The following RBFOX1 variants were observed in gnomAD, a reference collection of about 807,000 sequenced individuals.
RBFOX1 encodes the protein RNA binding protein fox-1 homolog 1.
Under a neutral mutation model 57.7 loss-of-function variants are expected in RBFOX1, and 8 were observed. The observed-to-expected ratio is 0.14, with a 90% CI of 0.08 to 0.25. The LOEUF is 0.25. Ranked by LOEUF, RBFOX1 falls within the 10% of genes least tolerant of loss-of-function variation. RBFOX1 has a pLI of 1.00. For missense variants in RBFOX1, 611 were observed against 548.5 expected (o/e 1.11, Z -1.14); for synonymous variants, 326 against 222.4 (o/e 1.47, Z -4.15).
At chr16:6,988,741 TTGTTTG>T (rs1275234211) in intron 3 of RBFOX1, among the ~76,000 whole-genome samples, 25 of 51,002 alleles carry the variant, frequency 4.9e-4, no homozygotes, top group South Asian at 1.3e-3. Context: ...ATTTTTTTTT[TTGTTTG>T]TTTGTTTTTT....
rs114269249 is a variant in RBFOX1, at chr16:6,763,179, G to A, written c.-16+108529G>A. Among the ~76,000 whole-genome samples, 1,469 of 152,256 alleles carry A rather than the reference G, an allele frequency of 9.6e-3. 20 individuals are homozygous for A. Among genetic ancestry groups the A allele is most frequent in the African/African-American group, 0.033 (1,382 of 41,534 alleles). ...CCCAATTTATCTTTGCTAACCTAAT[G>A]CCTTCAGCTCAATGTTTATCAAGTG... On this transcript the variant is annotated intron_variant, in intron 3 of 15. Transcript: ENST00000550418.
At chr16:5,398,852 C>A (rs2066635268) in intron 1 of RBFOX1, among the ~76,000 whole-genome samples, 1 of 152,162 alleles carries the variant, frequency 6.6e-6, no homozygotes, top group East Asian at 1.9e-4. Flanking sequence ...TTAAGTTAAA[C>A]GTTTGAGGCG....
chr16:7,541,062 C>T (rs898311314), intron 5 of RBFOX1, among the ~76,000 whole-genome samples: 1 of 152,194 alleles, frequency 6.6e-6, no homozygotes, highest in Admixed American at 6.5e-5. Context: ...TAGAAGCACC[C>T]CTAACCACAC....
intron 4 of RBFOX1, among the ~76,000 whole-genome samples, chr16:5,995,985 A>G (rs2060483901): frequency 6.6e-6 from 1 of 152,166 alleles, no homozygotes; most frequent in African/African-American, 2.4e-5. Context: ...CATAGATGGC[A>G]TCTTTTTCTT....
chr16:5,794,508 G>C (rs577324855), intron 3 of RBFOX1, among the ~76,000 whole-genome samples: 188 of 151,522 alleles, frequency 1.2e-3, no homozygotes, highest in African/African-American at 4.3e-3. Flanking sequence ...CAATGCCAGC[G>C]TGCGTGTGTG....
rs564712405 is a variant in RBFOX1 at position 6,394,271 on chromosome 16, CT to C, written c.-64+77215del. On this transcript the variant is annotated intron_variant, in intron 2 of 15. Transcript: ENST00000550418. ...TCATCTGAAAACAAAAGGGATAATG[CT>C]GATCGAGGCATATTGTGGAGATTAA... Among the ~76,000 whole-genome samples the C allele has an allele frequency of 5.6e-4, 85 of 152,256 alleles. 1 individual carries two copies. The highest frequency in any genetic ancestry group is 3.4e-3 in the Middle Eastern group (1 of 294).
chr16:5,704,888 C>A (rs1348725188), intron 3 of RBFOX1, among the ~76,000 whole-genome samples: 1 of 152,136 alleles, frequency 6.6e-6, no homozygotes, highest in Non-Finnish European at 1.5e-5. Context: ...ACTTATCGGG[C>A]TTCTTACATC....
chr16:6,327,823 C>G (rs946191534), intron 2 of RBFOX1, among the ~76,000 whole-genome samples: 1 of 152,132 alleles, frequency 6.6e-6, no homozygotes, highest in Non-Finnish European at 1.5e-5. Context: ...TATTTCTTGA[C>G]AAAGGTTAGG....
intron 4 of RBFOX1, among the ~76,000 whole-genome samples, chr16:7,243,810 A>G (rs898139162): frequency 6.6e-6 from 1 of 152,092 alleles, no homozygotes; most frequent in South Asian, 2.1e-4. Flanking sequence ...CTAGCCTCCC[A>G]AAGTGCTGGT....
intron 3 of RBFOX1, among the ~76,000 whole-genome samples, chr16:6,740,247 C>T (rs1027494012): frequency 6.6e-5 from 10 of 151,984 alleles, no homozygotes; most frequent in East Asian, 1.9e-4. Flanking sequence ...AAATAAGAAT[C>T]GATAACAGTT....
At chr16:6,949,082 G>A (rs2080163013) in intron 3 of RBFOX1, among the ~76,000 whole-genome samples, 1 of 152,134 alleles carries the variant, frequency 6.6e-6, no homozygotes, top group Non-Finnish European at 1.5e-5. Context: ...TATTGTCAAG[G>A]TTTCTTTATC....
At chr16:5,623,097 T>A (rs2048247282) in intron 3 of RBFOX1, among the ~76,000 whole-genome samples, 2 of 152,188 alleles carry the variant, frequency 1.3e-5, no homozygotes, top group Admixed American at 6.5e-5. Flanking sequence ...CACCAAGGGA[T>A]GACTGTGCTG....
At chr16:5,439,066 G>A (rs1428209335) in intron 1 of RBFOX1, among the ~76,000 whole-genome samples, 1 of 151,690 alleles carries the variant, frequency 6.6e-6, no homozygotes, top group African/African-American at 2.4e-5. Flanking sequence ...GTTTTGGGAG[G>A]CTTTTCTGGG....
chr16:5,699,147 C>T (rs1264060785), intron 3 of RBFOX1, among the ~76,000 whole-genome samples: 1 of 151,932 alleles, frequency 6.6e-6, no homozygotes, highest in African/African-American at 2.4e-5. Flanking sequence ...GCCACCACAC[C>T]CAGCTAATTT....
intron 3 of RBFOX1, among the ~76,000 whole-genome samples, chr16:5,754,187 A>T (rs2053315350): frequency 6.6e-6 from 1 of 152,164 alleles, no homozygotes; most frequent in African/African-American, 2.4e-5. Flanking sequence ...TTTGAATCCC[A>T]CCTCTGCCAC....
intron 1 of RBFOX1, among the ~76,000 whole-genome samples, chr16:6,181,214 C>T (rs968634633): frequency 2.0e-5 from 3 of 152,162 alleles, no homozygotes; most frequent in Admixed American, 1.3e-4. Flanking sequence ...GATATGGTCA[C>T]GGCCTTCTAC....
At position 6,510,713 on chromosome 16, in the gene RBFOX1, C is replaced by G. The variant is rs572197975; in HGVS notation, c.-63-143890C>G. Among the ~76,000 whole-genome samples the G allele has an allele frequency of 2.6e-5, 4 of 152,130 alleles. No homozygotes were observed. In the East Asian group the frequency reaches 7.7e-4, roughly 29 times the overall value. ...ATGAAGTTTAAAGGTTGGAGAGGCT[C>G]CAAATCTGGGCACAGAGAAATCTCA... is the stretch of plus-strand genomic sequence containing the variant. On this transcript the variant is annotated intron_variant, in intron 2 of 15. Coordinates refer to ENST00000550418, the MANE Select transcript of RBFOX1 (RefSeq NM_018723.4).
intron 2 of RBFOX1, chr16:6,483,258 G>A (rs2095403540): frequency 5.4e-6 from 7 of 1,287,168 alleles, no homozygotes; most frequent in South Asian, 2.1e-5. Flanking sequence ...CCCTTTGTGC[G>A]CGCCCGGGTG....
At chr16:5,702,402 C>G (rs1470929211) in intron 3 of RBFOX1, among the ~76,000 whole-genome samples, 1 of 152,166 alleles carries the variant, frequency 6.6e-6, no homozygotes, top group Non-Finnish European at 1.5e-5. Flanking sequence ...GCAGTCACCT[C>G]CCACCGTGTC....
Sources: allele counts gnomAD v4.1 joint callset (sites outside exome capture counted in the v4.1 genomes callset), GRCh38; gene constraint gnomAD v4.1.1; transcripts MANE v1.5; gene names NCBI Gene and HGNC (gene_info 2026-07-23, HGNC 2026-07-21).